Variants in TFDP2 observed in about 807,000 individuals in gnomAD.
TFDP2 encodes transcription factor Dp-2 (E2F dimerization partner 2).
Under a neutral mutation model 59.3 loss-of-function variants are expected in TFDP2, and 17 were observed. That is an observed-to-expected ratio of 0.29 (90% CI 0.20 to 0.43). TFDP2 has a LOEUF of 0.43. TFDP2 is among the 20% of genes least tolerant of loss of function. The pLI, the probability that TFDP2 is intolerant of heterozygous loss-of-function variation, is 1.00. For missense variants in TFDP2, 391 were observed against 528.8 expected, an observed-to-expected ratio of 0.74 and a Z score of 2.56; for synonymous variants, 180 against 194.7, an observed-to-expected ratio of 0.92 and a Z score of 0.63.
chr3:142,010,925 A>C (rs1465242437), intron 3 of TFDP2, among the ~76,000 whole-genome samples: 8 of 119,086 alleles, frequency 6.7e-5, no homozygotes, highest in African/African-American at 2.5e-4. Flanking sequence ...GCAATCATTA[A>C]AAAGTCAGGA....
chr3:142,062,668 T>C (rs1337168613), intron 3 of TFDP2, among the ~76,000 whole-genome samples: 1 of 152,068 alleles, frequency 6.6e-6, no homozygotes, highest in African/African-American at 2.4e-5. Flanking sequence ...AATACGTACA[T>C]GTGTTCACCA....
At position 141,949,969 on chromosome 3, in the gene TFDP2, A is replaced by T. The variant is rs1231873046; in HGVS notation, c.*2544T>A. 2 of 151,678 alleles carry T rather than the reference A, an allele frequency of 1.3e-5. No homozygotes were observed. Among genetic ancestry groups the T allele is most frequent in the Non-Finnish European group, 2.9e-5 (2 of 67,988 alleles). The allele number at this position is 151,678 out of a possible 1,614,324, so 9.4% of individuals were successfully genotyped here. A position where few individuals can be genotyped will look rare whatever the true frequency, so the allele number is the denominator to read the frequency against. On this transcript the variant is annotated 3_prime_UTR_variant, in exon 13 of 13. Transcript: ENST00000489671. ...ACTACAGGCATGCCCCACCACACCC[A>T]GCTAATTTTTGTATTTTTGTAGAGA...
chr3:142,128,502 T>C (rs976548926), intron 1 of TFDP2, among the ~76,000 whole-genome samples: 2 of 152,174 alleles, frequency 1.3e-5, no homozygotes, highest in Non-Finnish European at 2.9e-5. Context: ...ACAACTCCCA[T>C]GGACAAAGAG....
chr3:142,068,818 A>G (rs187611613), intron 3 of TFDP2, among the ~76,000 whole-genome samples: 1 of 152,182 alleles, frequency 6.6e-6, no homozygotes, highest in East Asian at 1.9e-4. Flanking sequence ...CTCAGCCTAC[A>G]AAAGTGCTAG....
intron 1 of TFDP2, among the ~76,000 whole-genome samples, chr3:142,110,282 T>G (rs1358264007): frequency 6.6e-6 from 1 of 151,620 alleles, no homozygotes; most frequent in Non-Finnish European, 1.5e-5. Context: ...GGCAGGCAGA[T>G]CACCTGAGGT....
chr3:142,027,044 A>AT (rs1946145229), intron 3 of TFDP2, among the ~76,000 whole-genome samples: 2 of 148,598 alleles, frequency 1.3e-5, no homozygotes, highest in Admixed American at 1.4e-4. Flanking sequence ...TCATTTTGAG[A>AT]TTTTGTACCT....
intron 7 of TFDP2, among the ~76,000 whole-genome samples, chr3:141,974,907 CTTTTTTTTTT>C (rs753702830): frequency 1.1e-5 from 1 of 90,484 alleles, no homozygotes; most frequent in East Asian, 3.2e-4. Context: ...TCTTCTTCTT[CTTTTTTTTTT>C]TTTTTTTTTT....
chr3:142,046,375 G>A (rs1947347271), intron 3 of TFDP2, among the ~76,000 whole-genome samples: 1 of 152,172 alleles, frequency 6.6e-6, no homozygotes, highest in Non-Finnish European at 1.5e-5. Flanking sequence ...AGTAGGGCCT[G>A]AGAAAAGGCA....
chr3:141,953,911 C>T (rs1367120308), intron 11 of TFDP2, among the ~76,000 whole-genome samples: 2 of 151,922 alleles, frequency 1.3e-5, no homozygotes, highest in African/African-American at 4.8e-5. Flanking sequence ...TGGCTCACGC[C>T]TATAATCCCA....
intron 3 of TFDP2, among the ~76,000 whole-genome samples, chr3:142,016,914 C>A (rs1487499072): frequency 4.6e-5 from 7 of 152,124 alleles, no homozygotes; most frequent in Non-Finnish European, 1.0e-4. Flanking sequence ...CTCTTTCTGA[C>A]CTTGTCACCT....
At chr3:142,111,517 G>A (rs1029464136) in intron 1 of TFDP2, among the ~76,000 whole-genome samples, 10 of 150,680 alleles carry the variant, frequency 6.6e-5, no homozygotes, top group African/African-American at 2.2e-4. Context: ...CTCTGAAGAA[G>A]TCAAGTTTGA....
chr3:142,124,920 G>A (rs903785599), intron 1 of TFDP2, among the ~76,000 whole-genome samples: 2 of 152,162 alleles, frequency 1.3e-5, no homozygotes, highest in African/African-American at 2.4e-5. Flanking sequence ...AATGAGCTGG[G>A]CATTGTAGAT....
chr3:142,103,609 GAA>G (rs1292596489), intron 1 of TFDP2, among the ~76,000 whole-genome samples: 2 of 152,166 alleles, frequency 1.3e-5, no homozygotes, highest in Non-Finnish European at 2.9e-5. Context: ...ACTATACAGA[GAA>G]AGAATAATAA....
chr3:142,031,861 ACTAT>A (rs781087473), intron 3 of TFDP2, among the ~76,000 whole-genome samples: 14 of 152,226 alleles, frequency 9.2e-5, no homozygotes, highest in Non-Finnish European at 1.6e-4. Context: ...CCAAATAAAA[ACTAT>A]CTATCAGATC....
intron 2 of TFDP2, among the ~76,000 whole-genome samples, chr3:142,101,443 T>C (rs2061317742): frequency 6.6e-6 from 1 of 151,930 alleles, no homozygotes; most frequent in African/African-American, 2.4e-5. Flanking sequence ...AAAACAAATT[T>C]ATTACAATAT....
rs1935258766 is a variant in TFDP2, at chr3:141,946,453, G to A, written c.*6060C>T. 6.6e-6 allele frequency: 1 copy of A among 152,244 alleles called. No individual in the cohort carries two copies. The highest frequency in any genetic ancestry group is 1.9e-4 in the East Asian group (1 of 5,198). The allele number at this position is 152,244 out of a possible 1,614,324, so 9.4% of individuals were successfully genotyped here. The stretch of plus-strand genomic sequence containing the variant: ...GGTCTTGTCTGAGAACAGCTGCACA[G>A]AATACACATTATAAATGAGCACTTT... On this transcript the variant is annotated 3_prime_UTR_variant, in exon 13 of 13. Coordinates refer to ENST00000489671, the MANE Select transcript of TFDP2 (RefSeq NM_001178139.2).
At chr3:142,028,669 C>G (rs995237188) in intron 3 of TFDP2, 47 of 985,226 alleles carry the variant, frequency 4.8e-5, no homozygotes, top group Non-Finnish European at 5.7e-5. Context: ...CTGTGTCAGA[C>G]GTAAGCAATC....
At position 142,091,566 on chromosome 3, in the gene TFDP2, C is replaced by CA. The variant is rs60396286; in HGVS notation, c.82+1494dup. Among the ~76,000 whole-genome samples, 1,515 of 150,160 alleles carry CA rather than the reference C, an allele frequency of 0.01. 34 individuals are homozygous for CA. The East Asian group carries it at 0.11, about 11-fold the overall frequency. The stretch of plus-strand genomic sequence containing the variant: ...GGGCAACAGAGTGAGACTCTGCCAC[C>CA]AAAAAAAAAATAAATAAAATAAGCT... On this transcript the variant is annotated intron_variant, in intron 3 of 12. Coordinates refer to ENST00000489671, the MANE Select transcript of TFDP2 (RefSeq NM_001178139.2).
At chr3:142,089,667 AC>A in intron 3 of TFDP2, among the ~76,000 whole-genome samples, 1 of 152,234 alleles carries the variant, frequency 6.6e-6, no homozygotes, top group East Asian at 1.9e-4. Flanking sequence ...TATATAACCA[AC>A]AAAAAAGACA....
Sources: allele counts gnomAD v4.1 joint callset (sites outside exome capture counted in the v4.1 genomes callset), GRCh38; gene constraint gnomAD v4.1.1; transcripts MANE v1.5; gene names NCBI Gene and HGNC (gene_info 2026-07-23, HGNC 2026-07-21).